Variants in CASP5 observed in about 807,000 individuals in gnomAD.
CASP5 encodes caspase 5.
A neutral mutation model predicts 45.2 loss-of-function variants in CASP5; 42 were observed. The observed-to-expected ratio is 0.93, with a 90% CI of 0.73 to 1.20. The LOEUF is 1.20. Ranked by LOEUF, CASP5 falls within the 50% of genes most tolerant of loss-of-function variation. The pLI, the probability that CASP5 is intolerant of heterozygous loss-of-function variation, is 0.00. For synonymous variants in CASP5, 209 were observed against 186.2 expected, an observed-to-expected ratio of 1.12 and a Z score of -1.00; for missense variants, 512 against 532.2, an observed-to-expected ratio of 0.96 and a Z score of 0.37.
chr11:105,009,720 CATAT>C (rs199695891), intron 1 of CASP5, among the ~76,000 whole-genome samples: 1,293 of 63,986 alleles, frequency 0.02, 23 homozygotes, highest in South Asian at 0.035. Context: ...TATATACACA[CATAT>C]ATATATATAT....
At chr11:105,019,527 C>T (rs923359359) in intron 1 of CASP5, among the ~76,000 whole-genome samples, 3 of 151,270 alleles carry the variant, frequency 2.0e-5, no homozygotes, top group African/African-American at 7.3e-5. Flanking sequence ...ACTACAAACA[C>T]CTCTACGCAA....
At chr11:105,014,553 A>C (rs1174791612) in intron 1 of CASP5, among the ~76,000 whole-genome samples, 14 of 152,232 alleles carry the variant, frequency 9.2e-5, no homozygotes, top group Non-Finnish European at 1.5e-4. Context: ...GTGAATGTAG[A>C]AACAAATGAA....
chr11:105,010,547 A>G (rs1226646465), intron 1 of CASP5, among the ~76,000 whole-genome samples: 1 of 148,968 alleles, frequency 6.7e-6, no homozygotes, highest in African/African-American at 2.4e-5. Context: ...AATAATCATT[A>G]TTATTTACAA....
At chr11:105,016,601 C>A (rs551955457) in intron 1 of CASP5, among the ~76,000 whole-genome samples, 2 of 151,014 alleles carry the variant, frequency 1.3e-5, no homozygotes, top group Admixed American at 6.6e-5. Flanking sequence ...CTTTTCCAAC[C>A]GGCTTAAAAA....
At chr11:105,021,634 G>A (rs879610279) in intron 1 of CASP5, among the ~76,000 whole-genome samples, 3,226 of 139,012 alleles carry the variant, frequency 0.023, 42 homozygotes, top group Non-Finnish European at 0.028. Flanking sequence ...GAGTTAGAAT[G>A]GCAATCATTA....
At chr11:105,010,193 C>T (rs76840823) in intron 1 of CASP5, among the ~76,000 whole-genome samples, 8,441 of 150,572 alleles carry the variant, frequency 0.056, 713 homozygotes, top group African/African-American at 0.19. Context: ...GTTCATATGC[C>T]AATAATGAAC....
intron 1 of CASP5, among the ~76,000 whole-genome samples, chr11:105,010,424 CAT>C (rs1317191594): frequency 4.6e-4 from 55 of 120,428 alleles, no homozygotes; most frequent in East Asian, 2.4e-3. Context: ...TTATTATACT[CAT>C]ATAATAAATC....
intron 3 of CASP5, among the ~76,000 whole-genome samples, chr11:105,005,661 G>C (rs1182671317): frequency 6.6e-6 from 1 of 152,218 alleles, no homozygotes; most frequent in Middle Eastern, 3.4e-3. Flanking sequence ...ATCTGCAGCT[G>C]CCTCCTTCTT....
At chr11:105,000,233 C>G (rs757848860) in intron 6 of CASP5, 28 bp downstream of exon 6, 15 of 1,610,078 alleles carry the variant, frequency 9.3e-6, no homozygotes, top group Non-Finnish European at 1.3e-5. Flanking sequence ...ACCTTCAAAA[C>G]TGTTAGATGT....
At chr11:105,014,798 A>G (rs1250121645) in intron 1 of CASP5, among the ~76,000 whole-genome samples, 7 of 152,224 alleles carry the variant, frequency 4.6e-5, no homozygotes, top group African/African-American at 1.7e-4. Context: ...AAAGATAGAT[A>G]TGCAAATACA....
rs543656018 is a variant in CASP5 at position 105,013,942 on chromosome 11, C to T, written c.8-4962G>A. 7.2e-5 allele frequency among the ~76,000 whole-genome samples: 11 copies of T among 152,252 alleles called. No individual in the cohort carries two copies. In the East Asian group the frequency reaches 1.3e-3, roughly 19 times the overall value. On this transcript the variant is annotated intron_variant, in intron 1 of 9. Coordinates refer to ENST00000260315, the MANE Select transcript of CASP5 (RefSeq NM_004347.5). ...CACTGCATTGATTTTATTTACTAAA[C>T]ATTTTCAGAATCTGACCACTACTCT... is the stretch of plus-strand genomic sequence containing the variant.
Position 105,009,718 on chromosome 11 carries a change from CACAT to C in CASP5, c.8-742_8-739del, listed in dbSNP as rs1256230611. On this transcript the variant is annotated intron_variant, in intron 1 of 9. Transcript: ENST00000260315. ...TTTTACCAGGAGATATATATATACA[CACAT>C]ATATATATATATATATATATATATA... Among the ~76,000 whole-genome samples the C allele has an allele frequency of 1.2e-3, 97 of 83,546 alleles. 1 individual carries two copies. Among genetic ancestry groups the C allele is most frequent in the East Asian group, 5.3e-3 (18 of 3,418 alleles). The allele number at this position is 83,546 out of a possible 152,430, so 54.8% of individuals were successfully genotyped here. A position where few individuals can be genotyped will look rare whatever the true frequency, so the allele number is the denominator to read the frequency against.
chr11:105,016,466 C>A (rs182629073), intron 1 of CASP5, among the ~76,000 whole-genome samples: 2 of 152,116 alleles, frequency 1.3e-5, no homozygotes, highest in Non-Finnish European at 2.9e-5. Flanking sequence ...GTGTGCAAGC[C>A]GAAGCAGGGC....
At chr11:104,999,481 A>G (rs1334042652) in intron 6 of CASP5, among the ~76,000 whole-genome samples, 1 of 152,208 alleles carries the variant, frequency 6.6e-6, no homozygotes, top group Non-Finnish European at 1.5e-5. Context: ...GGTTGGATCA[A>G]GAGACATCAA....
chr11:105,017,974 A>T (rs1048122505), intron 1 of CASP5, among the ~76,000 whole-genome samples: 1 of 152,224 alleles, frequency 6.6e-6, no homozygotes, highest in Admixed American at 6.5e-5. Flanking sequence ...GAAACTCTAC[A>T]AGCCAGAAGA....
chr11:105,022,323 ATAAAT>A (rs751266256), intron 1 of CASP5, among the ~76,000 whole-genome samples: 13 of 151,916 alleles, frequency 8.6e-5, no homozygotes, highest in Admixed American at 5.9e-4. Context: ...TAATAAATAA[ATAAAT>A]TAAAGAAAAA....
At chr11:105,020,699 G>A (rs1316976053) in intron 1 of CASP5, among the ~76,000 whole-genome samples, 1 of 152,084 alleles carries the variant, frequency 6.6e-6, no homozygotes, top group African/African-American at 2.4e-5. Flanking sequence ...TCATGGGTAG[G>A]AAGAATCAAT....
rs765997455 is a variant in CASP5 at position 104,997,446 on chromosome 11, C to T, written c.1143G>A (p.Thr381=). The stretch of plus-strand genomic sequence containing the variant: ...ATTTCTGGAAGCATGTGATGAGTTC[C>T]GTAATGAAGATGGAGCCCCTTGTGC... The part of the protein sequence containing the change: ...RDRTRGSIFI[T]ELITCFQKYS... The change falls in exon 8 of 10, where the codon ACG becomes ACA. Residue 381 remains threonine, a synonymous_variant. Coordinates refer to ENST00000260315, the MANE Select transcript of CASP5 (RefSeq NM_004347.5). 9.3e-6 allele frequency: 15 copies of T among 1,613,106 alleles called. 1 individual carries two copies. The highest frequency in any genetic ancestry group is 4.5e-5 in the East Asian group (2 of 44,860).
intron 7 of CASP5, among the ~76,000 whole-genome samples, chr11:104,997,860 G>C (rs758027300): frequency 6.6e-6 from 1 of 152,184 alleles, no homozygotes; most frequent in Non-Finnish European, 1.5e-5. Context: ...TTTAGGTTCA[G>C]TGAGGAAGCA....
Sources: allele counts gnomAD v4.1 joint callset (sites outside exome capture counted in the v4.1 genomes callset), GRCh38; gene constraint gnomAD v4.1.1; transcripts MANE v1.5; gene names NCBI Gene and HGNC (gene_info 2026-07-23, HGNC 2026-07-21).